NCKAP5: variants seen among roughly 807,000 people sequenced by gnomAD.
NCKAP5 encodes the protein nck-associated protein 5.
Under a neutral mutation model 167.0 loss-of-function variants are expected in NCKAP5, and 92 were observed. The observed-to-expected ratio is 0.55, with a 90% confidence interval of 0.47 to 0.66. NCKAP5 has a LOEUF of 0.66. Ranked by LOEUF, NCKAP5 falls within the 30% of genes least tolerant of loss-of-function variation. The pLI is 0.00. For synonymous variants in NCKAP5, 891 were observed against 877.4 expected, an observed-to-expected ratio of 1.02 and a Z score of -0.27; for missense variants, 2,378 against 2,315.0, an observed-to-expected ratio of 1.03 and a Z score of -0.56.
chr2:133,288,695 GGGTCCACCAGCAT>G, intron 4 of NCKAP5, among the ~76,000 whole-genome samples: 1 of 151,960 alleles, frequency 6.6e-6, no homozygotes, highest in East Asian at 1.9e-4. Context: ...CTGGTGCCCT[GGGTCCACCAGCAT>G]GCTGTTTCAT....
the NCKAP5 span, among the ~76,000 whole-genome samples, chr2:133,603,232 T>C: frequency 1.8e-4 from 27 of 150,776 alleles, no homozygotes; most frequent in Non-Finnish European, 1.9e-4. Context: ...TTCTTTCTTT[T>C]TTTTTTTTTT....
At chr2:133,398,553 C>T (rs1411522396) in intron 3 of NCKAP5, among the ~76,000 whole-genome samples, 3 of 152,158 alleles carry the variant, frequency 2.0e-5, no homozygotes, top group African/African-American at 7.2e-5. Flanking sequence ...TGGCCAATGA[C>T]ATCAGTATGA....
chr2:133,377,327 ATGTG>A (rs1283797743), intron 3 of NCKAP5, among the ~76,000 whole-genome samples: 1 of 152,240 alleles, frequency 6.6e-6, no homozygotes, highest in Non-Finnish European at 1.5e-5. Context: ...TCAAATTATT[ATGTG>A]TATCAGTGGA....
chr2:133,408,102 G>A (rs1362666572), intron 3 of NCKAP5, among the ~76,000 whole-genome samples: 2 of 152,126 alleles, frequency 1.3e-5, no homozygotes, highest in Admixed American at 1.3e-4. Flanking sequence ...AGTCCATTGG[G>A]GAGCCAGGAC....
At chr2:132,890,320 T>C (rs180690521) in intron 8 of NCKAP5, among the ~76,000 whole-genome samples, 20 of 152,172 alleles carry the variant, frequency 1.3e-4, no homozygotes, top group East Asian at 7.7e-4. Context: ...ACAATTTCAT[T>C]TGGGGAGGCC....
Position 132,860,353 on chromosome 2 carries a change from A to G in NCKAP5, c.807+139T>C, listed in dbSNP as rs895519394. On this transcript the variant is annotated intron_variant, in intron 11 of 19. Coordinates refer to ENST00000409261, the MANE Select transcript of NCKAP5 (RefSeq NM_207363.3). ...ACTTCAGACACCTTCAAATTTAATG[A>G]CATAACTTGAGAAAGGAAAGAATTG... The G allele has an allele frequency of 8.9e-6, 9 of 1,010,916 alleles. No individual in the cohort carries two copies. The South Asian group carries it at 9.1e-5, about 10-fold the overall frequency. 62.6% of individuals were successfully genotyped at this position (1,010,916 alleles called of 1,614,324 possible).
chr2:133,479,146 C>T (rs1680203727), intron 3 of NCKAP5, among the ~76,000 whole-genome samples: 1 of 152,170 alleles, frequency 6.6e-6, no homozygotes, highest in African/African-American at 2.4e-5. Context: ...AGCAAGTGTT[C>T]TTCAGCTCCA....
At chr2:133,289,680 G>A (rs1341868372) in intron 4 of NCKAP5, among the ~76,000 whole-genome samples, 1 of 151,536 alleles carries the variant, frequency 6.6e-6, no homozygotes, top group Non-Finnish European at 1.5e-5. Flanking sequence ...AACAGAACAA[G>A]AGTCCGTCTC....
the NCKAP5 span, among the ~76,000 whole-genome samples, chr2:133,642,891 G>A: frequency 2.6e-5 from 4 of 152,206 alleles, no homozygotes; most frequent in Admixed American, 6.5e-5. Flanking sequence ...TTATGGCTAG[G>A]CATGCATTTC....
chr2:132,851,520 C>A (rs538013576), intron 11 of NCKAP5, among the ~76,000 whole-genome samples: 191 of 152,330 alleles, frequency 1.3e-3, no homozygotes, highest in African/African-American at 4.5e-3. Flanking sequence ...GTTAACCCCG[C>A]TTGCCTCTAG....
chr2:132,756,859 T>A (rs780368744), intron 16 of NCKAP5, among the ~76,000 whole-genome samples: 1 of 152,142 alleles, frequency 6.6e-6, no homozygotes, highest in South Asian at 2.1e-4. Context: ...AGTTTTCAAA[T>A]GGGCAGAAAC....
chr2:132,838,489 G>A (rs911003549), intron 11 of NCKAP5, among the ~76,000 whole-genome samples: 26 of 152,012 alleles, frequency 1.7e-4, no homozygotes, highest in African/African-American at 5.8e-4. Context: ...AAAATTAGCC[G>A]GGCGTGGTGG....
chr2:132,967,198 CACAT>C (rs1402048670), intron 7 of NCKAP5, among the ~76,000 whole-genome samples: 51 of 142,250 alleles, frequency 3.6e-4, no homozygotes, highest in East Asian at 1.2e-3. Flanking sequence ...CACACACACA[CACAT>C]ACACACACAC....
At chr2:132,949,144 G>C (rs1262763294) in intron 8 of NCKAP5, among the ~76,000 whole-genome samples, 5 of 147,424 alleles carry the variant, frequency 3.4e-5, no homozygotes, top group South Asian at 2.1e-4. Context: ...GTGAGGCCTG[G>C]GGGCCAGTGA....
intron 3 of NCKAP5, among the ~76,000 whole-genome samples, chr2:133,334,691 T>C (rs1004722176): frequency 3.3e-5 from 5 of 152,180 alleles, no homozygotes; most frequent in Non-Finnish European, 7.3e-5. Context: ...TCTCCAGTGA[T>C]AACTACCCCC....
the NCKAP5 span, among the ~76,000 whole-genome samples, chr2:133,609,300 G>C: frequency 6.6e-6 from 1 of 152,168 alleles, no homozygotes; most frequent in Non-Finnish European, 1.5e-5. Context: ...CTCCACGCTA[G>C]TATAGAGAAG....
intron 5 of NCKAP5, among the ~76,000 whole-genome samples, chr2:133,153,805 C>T (rs934756000): frequency 2.0e-5 from 3 of 150,476 alleles, no homozygotes; most frequent in Non-Finnish European, 3.0e-5. Flanking sequence ...ATGCATCTTC[C>T]GAGGCCCACT....
chr2:133,248,225 TGA>T (rs1221127956), intron 4 of NCKAP5, among the ~76,000 whole-genome samples: 3 of 152,220 alleles, frequency 2.0e-5, no homozygotes, highest in Admixed American at 6.5e-5. Flanking sequence ...CTAAGTGTGG[TGA>T]GTGATCTGCA....
At chr2:133,439,257 G>C (rs763519090) in intron 3 of NCKAP5, among the ~76,000 whole-genome samples, 1 of 152,160 alleles carries the variant, frequency 6.6e-6, no homozygotes, top group Non-Finnish European at 1.5e-5. Flanking sequence ...GGGAGGATTT[G>C]ATCCTTTGAA....
Sources: gnomAD v4.1 joint callset for allele counts (sites outside exome capture counted in the v4.1 genomes callset) on GRCh38, gnomAD v4.1.1 for gene constraint, MANE v1.5 for transcripts, NCBI Gene and HGNC (gene_info 2026-07-23, HGNC 2026-07-21) for gene names.